Variants in SH3BGRL observed in about 807,000 individuals in gnomAD.
SH3BGRL encodes adapter SH3BGRL.
SH3BGRL carries 7 observed loss-of-function variants against 9.8 expected under a neutral mutation model. That is an observed-to-expected ratio of 0.72 (90% CI 0.41 to 1.35). The LOEUF (loss-of-function observed/expected upper bound fraction) is 1.35. Ranked by LOEUF, SH3BGRL falls within the 40% of genes most tolerant of loss-of-function variation. The pLI, the probability that SH3BGRL is intolerant of heterozygous loss-of-function variation, is 0.01. For missense variants in SH3BGRL, 73 were observed against 84.4 expected, an observed-to-expected ratio of 0.86 and a Z score of 0.53; for synonymous variants, 36 against 29.1, an observed-to-expected ratio of 1.24 and a Z score of -0.76.
intron 1 of SH3BGRL, among the ~76,000 whole-genome samples, chrX:81,260,259 A>G (rs2075737089): frequency 1.8e-5 from 2 of 111,313 alleles, no homozygotes; most frequent in Admixed American, 1.9e-4. Context: ...CTTAGTGTTT[A>G]AATGGTGCTT....
At chrX:81,279,976 T>C (rs765700950) in intron 3 of SH3BGRL, among the ~76,000 whole-genome samples, 2 of 111,288 alleles carry the variant, frequency 1.8e-5, no homozygotes, top group African/African-American at 3.3e-5. Context: ...GGAAACAGAC[T>C]CAGGGCTGTT....
At chrX:81,283,647 T>G (rs1461893258) in intron 3 of SH3BGRL, among the ~76,000 whole-genome samples, 1 of 110,747 alleles carries the variant, frequency 9.0e-6, no homozygotes, top group Non-Finnish European at 1.9e-5. Context: ...CTCAGCAAAA[T>G]CAGCATACAA....
At chrX:81,242,891 T>A (rs946761450) in intron 1 of SH3BGRL, among the ~76,000 whole-genome samples, 1 of 111,443 alleles carries the variant, frequency 9.0e-6, no homozygotes, top group African/African-American at 3.3e-5. Context: ...CAATAGAAAA[T>A]TCTGGTGAGG....
At chrX:81,256,984 T>A (rs2075727154) in intron 1 of SH3BGRL, among the ~76,000 whole-genome samples, 2 of 111,345 alleles carry the variant, frequency 1.8e-5, no homozygotes, top group Non-Finnish European at 3.8e-5. Context: ...TATCTCTAGT[T>A]TCTTATGTAT....
At chrX:81,245,933 C>A (rs567302951) in intron 1 of SH3BGRL, among the ~76,000 whole-genome samples, 1 of 111,899 alleles carries the variant, frequency 8.9e-6, no homozygotes, top group South Asian at 3.7e-4. Context: ...AAATTATGTT[C>A]GCATCAACAG....
intron 3 of SH3BGRL, among the ~76,000 whole-genome samples, chrX:81,282,850 C>T (rs1430968065): frequency 9.0e-5 from 10 of 110,826 alleles, no homozygotes; most frequent in African/African-American, 2.9e-4. Context: ...TAAATTGAAA[C>T]AAAAAAATAC....
At chrX:81,275,984 G>A (rs1197498828) in intron 1 of SH3BGRL, among the ~76,000 whole-genome samples, 2 of 111,431 alleles carry the variant, frequency 1.8e-5, no homozygotes, top group Non-Finnish European at 3.8e-5. Flanking sequence ...ATTCTCATTG[G>A]CAGACAGATT....
intron 3 of SH3BGRL, among the ~76,000 whole-genome samples, chrX:81,283,761 G>T (rs960497897): frequency 9.0e-6 from 1 of 111,083 alleles, no homozygotes; most frequent in African/African-American, 3.3e-5. Flanking sequence ...ACTAGAGCAA[G>T]ACATGGATGC....
chrX:81,217,067 T>C (rs780062609), intron 1 of SH3BGRL, among the ~76,000 whole-genome samples: 1 of 110,682 alleles, frequency 9.0e-6, no homozygotes, highest in South Asian at 3.9e-4. Flanking sequence ...ACCAAGAGTG[T>C]ATGAGGGTTC....
chrX:81,250,405 TCAA>T (rs2075705695), intron 1 of SH3BGRL, among the ~76,000 whole-genome samples: 1 of 23,309 alleles, frequency 4.3e-5, no homozygotes, highest in African/African-American at 7.6e-5. Context: ...AGACTCCGTC[TCAA>T]AAAAAAAAAA....
At position 81,282,390 on chromosome X, in the gene SH3BGRL, C is replaced by T. The variant is rs775187536; in HGVS notation, c.312+3979C>T. On this transcript the variant is annotated intron_variant, in intron 3 of 3. Transcript: ENST00000373212. ...GCAGAATACACATTCTATTCAACAG[C>T]ACATGGAACTTTCTCCAACATAGAC... is the stretch of plus-strand genomic sequence containing the variant. Among the ~76,000 whole-genome samples, 6 of 111,738 alleles carry T rather than the reference C, an allele frequency of 5.4e-5. No individual in the cohort carries two copies. The South Asian group carries it at 1.9e-3, about 35-fold the overall frequency.
In SH3BGRL at chrX:81,211,456, G is replaced by A. The variant is rs755706926; in HGVS notation, c.45+9211G>A. Among the ~76,000 whole-genome samples, 189 of 111,020 alleles carry A rather than the reference G, an allele frequency of 1.7e-3. 1 individual carries two copies. The highest frequency in any genetic ancestry group is 3.2e-3 in the Non-Finnish European group (169 of 52,829). ...AAAAAAATTAGCCGGGCGTGGTGGC[G>A]GGCGCCTGTAGTCCCAGCTACTCGG... On this transcript the variant is annotated intron_variant, in intron 1 of 3. Coordinates refer to ENST00000373212, the MANE Select transcript of SH3BGRL (RefSeq NM_003022.3).
intron 1 of SH3BGRL, among the ~76,000 whole-genome samples, chrX:81,251,054 C>T (rs2075708405): frequency 8.9e-6 from 1 of 112,001 alleles, no homozygotes; most frequent in Non-Finnish European, 1.9e-5. Flanking sequence ...TTAAAGAAAC[C>T]TCCTAAGACT....
chrX:81,290,484 A>G (rs766507928), intron 3 of SH3BGRL, among the ~76,000 whole-genome samples: 119 of 111,536 alleles, frequency 1.1e-3, no homozygotes, highest in Non-Finnish European at 2.0e-3. Context: ...GAACAGAGAG[A>G]CGATCACCAC....
chrX:81,232,569 C>T (rs1312279031), intron 1 of SH3BGRL, among the ~76,000 whole-genome samples: 1 of 110,872 alleles, frequency 9.0e-6, no homozygotes, highest in Admixed American at 9.6e-5. Context: ...TTTTAACATG[C>T]CTATCCTGCT....
chrX:81,220,676 G>A (rs2075597549), intron 1 of SH3BGRL, among the ~76,000 whole-genome samples: 2 of 107,134 alleles, frequency 1.9e-5, no homozygotes, highest in South Asian at 4.0e-4. Context: ...ATTTGATCTT[G>A]CTTTTCTAGT....
chrX:81,237,290 C>T (rs974424011), intron 1 of SH3BGRL: 2 of 329,643 alleles, frequency 6.1e-6, no homozygotes, highest in Non-Finnish European at 1.2e-5. Context: ...GGTAAGTACT[C>T]ATAGTACCTG....
At chrX:81,235,922 G>T (rs1406487692) in intron 1 of SH3BGRL, among the ~76,000 whole-genome samples, 1 of 111,649 alleles carries the variant, frequency 9.0e-6, no homozygotes, top group African/African-American at 3.3e-5. Flanking sequence ...CTAGCTGACA[G>T]CTACTTTTAA....
At chrX:81,240,270 G>T (rs1444667035) in intron 1 of SH3BGRL, among the ~76,000 whole-genome samples, 1 of 112,022 alleles carries the variant, frequency 8.9e-6, no homozygotes, top group Non-Finnish European at 1.9e-5. Context: ...AAGTTAAAAA[G>T]CAGGTGGATG....
Sources: allele counts gnomAD v4.1 joint callset (sites outside exome capture counted in the v4.1 genomes callset), GRCh38; gene constraint gnomAD v4.1.1; transcripts MANE v1.5; gene names NCBI Gene and HGNC (gene_info 2026-07-23, HGNC 2026-07-21).